Variants in MTREX observed in about 807,000 individuals in gnomAD.
The protein encoded by MTREX is Mtr4 exosome RNA helicase, also known as exosome RNA helicase MTR4.
Under a neutral mutation model 135.4 loss-of-function variants are expected in MTREX, and 76 were observed. The observed-to-expected ratio is 0.56, with a 90% CI of 0.47 to 0.68. The LOEUF is 0.68. Ranked by LOEUF, MTREX falls within the 30% of genes least tolerant of loss-of-function variation. MTREX has a pLI of 0.00. For synonymous variants in MTREX, 404 were observed against 401.6 expected, an observed-to-expected ratio of 1.01 and a Z score of -0.07; for missense variants, 920 against 1,262.1, an observed-to-expected ratio of 0.73 and a Z score of 4.11.
chr5:55,423,066 A>T, intron 26 of MTREX, 84 bp downstream of exon 26: 5 of 958,718 alleles, frequency 5.2e-6, no homozygotes, highest in Non-Finnish European at 8.2e-6. Flanking sequence ...ACCTAGGAGG[A>T]CGTTTTGAGA....
chr5:55,406,226 G>T (rs1266622453), intron 22 of MTREX, among the ~76,000 whole-genome samples: 1 of 151,870 alleles, frequency 6.6e-6, no homozygotes, highest in Non-Finnish European at 1.5e-5. Context: ...TGTTTTTATG[G>T]GTCAGAAATT....
At chr5:55,349,269 C>T (rs936313833) in intron 11 of MTREX, among the ~76,000 whole-genome samples, 2 of 151,476 alleles carry the variant, frequency 1.3e-5, no homozygotes, top group Admixed American at 6.6e-5. Context: ...TCACTGCAGC[C>T]TCAGCCTCCT....
At chr5:55,407,559 A>C (rs1484530747) in intron 22 of MTREX, among the ~76,000 whole-genome samples, 1 of 152,196 alleles carries the variant, frequency 6.6e-6, no homozygotes, top group Non-Finnish European at 1.5e-5. Flanking sequence ...AAAGTTTGTT[A>C]ACTTTCCCCC....
intron 1 of MTREX, among the ~76,000 whole-genome samples, chr5:55,322,053 A>G (rs532367641): frequency 2.6e-5 from 4 of 152,316 alleles, no homozygotes; most frequent in Admixed American, 1.3e-4. Flanking sequence ...GTTTTAATTT[A>G]CAGTTTTAAA....
At chr5:55,396,557 G>A (rs1750650361) in intron 19 of MTREX, among the ~76,000 whole-genome samples, 1 of 152,176 alleles carries the variant, frequency 6.6e-6, no homozygotes, top group Non-Finnish European at 1.5e-5. Flanking sequence ...AAAAACTGCT[G>A]TTAATGGTTT....
intron 1 of MTREX, among the ~76,000 whole-genome samples, chr5:55,315,615 G>T (rs932632136): frequency 2.0e-5 from 3 of 152,102 alleles, no homozygotes; most frequent in Non-Finnish European, 4.4e-5. Flanking sequence ...TTACTATCAG[G>T]TTAACTTCTT....
chr5:55,401,776 C>A (rs1750726251), intron 21 of MTREX, among the ~76,000 whole-genome samples: 1 of 152,114 alleles, frequency 6.6e-6, no homozygotes, highest in African/African-American at 2.4e-5. Context: ...TTCTGTATAG[C>A]AAATTTAGAA....
At chr5:55,369,545 A>G (rs1007917495) in intron 16 of MTREX, among the ~76,000 whole-genome samples, 9 of 152,164 alleles carry the variant, frequency 5.9e-5, no homozygotes, top group Non-Finnish European at 1.3e-4. Flanking sequence ...ACTCCCAAAT[A>G]TTATCCCATT....
chr5:55,396,805 G>C (rs1750653583), intron 19 of MTREX, among the ~76,000 whole-genome samples: 1 of 152,142 alleles, frequency 6.6e-6, no homozygotes, highest in African/African-American at 2.4e-5. Flanking sequence ...AGACAGATTT[G>C]GACCTGTGGA....
intron 13 of MTREX, among the ~76,000 whole-genome samples, chr5:55,351,605 T>G (rs1272608503): frequency 6.6e-6 from 1 of 152,188 alleles, no homozygotes; most frequent in Non-Finnish European, 1.5e-5. Context: ...GTGTATTTAA[T>G]TACTAAACCC....
chr5:55,339,076 G>A (rs553147308), intron 5 of MTREX, among the ~76,000 whole-genome samples: 1 of 152,168 alleles, frequency 6.6e-6, no homozygotes, highest in East Asian at 1.9e-4. Flanking sequence ...ATAGGTGTGA[G>A]CCACTGCGCC....
intron 1 of MTREX, among the ~76,000 whole-genome samples, chr5:55,317,577 A>G (rs186819964): frequency 3.9e-5 from 6 of 152,346 alleles, no homozygotes; most frequent in African/African-American, 1.4e-4. Context: ...GGCTAGCCAT[A>G]TGCAGAAAAT....
At chr5:55,395,299 A>G (rs1283205142) in intron 19 of MTREX, among the ~76,000 whole-genome samples, 1 of 151,412 alleles carries the variant, frequency 6.6e-6, no homozygotes, top group Non-Finnish European at 1.5e-5. Context: ...CCAGCTACTC[A>G]GGAGGCTGAG....
At chr5:55,354,569 G>A (rs565648731) in intron 14 of MTREX, among the ~76,000 whole-genome samples, 29 of 152,338 alleles carry the variant, frequency 1.9e-4, no homozygotes, top group Middle Eastern at 3.4e-3. Flanking sequence ...TTTTCATGAT[G>A]TGTTTTATTT....
Position 55,400,438 on chromosome 5 carries a change from G to T in MTREX, c.2481+17G>T, listed in dbSNP as rs781635083. 3 of 1,535,010 alleles carry T rather than the reference G, an allele frequency of 2.0e-6. No individual in the cohort carries two copies. Among genetic ancestry groups the T allele is most frequent in the South Asian group, 2.5e-5 (2 of 80,410 alleles). ...AAAGCACAGGTATGGCAGAAATTTG[G>T]TTTTTATAGTAGAATTCTATATGTT... On this transcript the variant is annotated intron_variant, in intron 21 of 26. Coordinates refer to ENST00000230640, the MANE Select transcript of MTREX (RefSeq NM_015360.5).
intron 15 of MTREX, among the ~76,000 whole-genome samples, chr5:55,359,295 T>C (rs1749971358): frequency 6.6e-6 from 1 of 152,222 alleles, no homozygotes; most frequent in Non-Finnish European, 1.5e-5. Context: ...GTTGCCTTTT[T>C]TCTTCTTATC....
At chr5:55,381,618 A>C (rs188574000) in intron 18 of MTREX, among the ~76,000 whole-genome samples, 3 of 152,216 alleles carry the variant, frequency 2.0e-5, no homozygotes, top group Admixed American at 1.3e-4. Context: ...ATGTACTTGG[A>C]ATTCTTTCAG....
intron 15 of MTREX, among the ~76,000 whole-genome samples, chr5:55,366,142 A>G (rs1016320808): frequency 3.9e-5 from 6 of 152,230 alleles, no homozygotes; most frequent in Non-Finnish European, 7.3e-5. Context: ...AATATTTTAT[A>G]CTGTCTAGTC....
chr5:55,352,457 A>G (rs1202037750), intron 13 of MTREX, among the ~76,000 whole-genome samples: 2 of 152,288 alleles, frequency 1.3e-5, no homozygotes, highest in South Asian at 2.1e-4. Context: ...TATGTAAAGT[A>G]AAAAAATGAA....
Sources: allele counts gnomAD v4.1 joint callset (sites outside exome capture counted in the v4.1 genomes callset), GRCh38; gene constraint gnomAD v4.1.1; transcripts MANE v1.5; gene names NCBI Gene and HGNC (gene_info 2026-07-23, HGNC 2026-07-21).